Variants in OPRM1 observed in about 807,000 individuals in gnomAD.
OPRM1 encodes the protein mu-type opioid receptor.
Under a neutral mutation model 31.8 loss-of-function variants are expected in OPRM1, and 27 were observed. The ratio of observed to expected loss-of-function variants is 0.85; its 90% CI spans 0.63 to 1.17. The LOEUF is 1.17. Ranked by LOEUF, OPRM1 falls within the 50% of genes most tolerant of loss-of-function variation. The probability of loss-of-function intolerance (pLI) is 0.00; values close to 1 mark genes in which losing one functional copy is unlikely to be tolerated. For synonymous variants in OPRM1, 196 were observed against 189.9 expected (o/e 1.03, Z -0.26); for missense variants, 536 against 511.1 (o/e 1.05, Z -0.47).
At chr6:154,071,795 A>G (rs1312621498) in intron 1 of OPRM1, among the ~76,000 whole-genome samples, 1 of 152,222 alleles carries the variant, frequency 6.6e-6, no homozygotes, top group African/African-American at 2.4e-5. Flanking sequence ...AATAAGAAGC[A>G]GTGGTTACTT....
At chr6:154,094,679 A>AAG (rs568836410) in intron 3 of OPRM1, among the ~76,000 whole-genome samples, 1 of 152,172 alleles carries the variant, frequency 6.6e-6, no homozygotes, top group Non-Finnish European at 1.5e-5. Flanking sequence ...AAGAGAAAGA[A>AAG]AGAGAGAGAG....
chr6:154,124,911 A>T lies in OPRM1; in HGVS notation c.*6190A>T, dbSNP rs1797500499. Among the ~76,000 whole-genome samples the T allele has an allele frequency of 6.6e-6, 1 of 152,204 alleles. No individual in the cohort carries two copies. ...ATCCAAAGAAATTATCTCTAAAAGC[A>T]CTCAGACATTTTGTAGAGCAAGTAG... On this transcript the variant is annotated 3_prime_UTR_variant, in exon 4 of 4. Coordinates refer to ENST00000330432, the MANE Select transcript of OPRM1 (RefSeq NM_000914.5).
intron 3 of OPRM1, among the ~76,000 whole-genome samples, chr6:154,226,358 C>T (rs1779252115): frequency 6.6e-6 from 1 of 152,202 alleles, no homozygotes; most frequent in Non-Finnish European, 1.5e-5. Context: ...GTAACAAATT[C>T]AAAATCAAAC....
At chr6:154,037,557 C>CTTACATCTTATA (rs1353990198), upstream of OPRM1, among the ~76,000 whole-genome samples, 13 of 152,120 alleles carry the variant, frequency 8.5e-5, no homozygotes, top group African/African-American at 3.1e-4. Flanking sequence ...TGAAAGGACT[C>CTTACATCTTATA]AGAACTACAT....
rs180908682 is a variant in OPRM1, at chr6:154,130,124, T to G, written c.*11403T>G. Among the ~76,000 whole-genome samples the G allele has an allele frequency of 2.6e-5, 4 of 152,162 alleles. No homozygotes were observed. In the East Asian group the frequency reaches 7.7e-4, roughly 29 times the overall value. On this transcript the variant is annotated 3_prime_UTR_variant, in exon 4 of 4. Coordinates refer to ENST00000330432, the MANE Select transcript of OPRM1 (RefSeq NM_000914.5). Reference sequence around the variant, plus strand: ...AATCTTAATTTGAAATTTAAATTATTTTGTCTCTACCCAAACCATCGATTT... The same window carrying G: ...AATCTTAATTTGAAATTTAAATTATGTTGTCTCTACCCAAACCATCGATTT...
Position 154,169,478 on chromosome 6 carries a change from G to C in OPRM1, c.1165-77215G>C, listed in dbSNP as rs374569647. Among the ~76,000 whole-genome samples, 6 of 152,314 alleles carry C rather than the reference G, an allele frequency of 3.9e-5. 1 individual carries two copies. Among genetic ancestry groups the C allele is most frequent in the African/African-American group, 1.4e-4 (6 of 41,562 alleles). ...AACCCATGCAAGTCGACAAATATCT[G>C]CTTCTAAAACACAGTGTGGGACAAA... is the stretch of plus-strand genomic sequence containing the variant. On this transcript the variant is annotated intron_variant, in intron 3 of 3. Transcript: ENST00000337049.
intron 1 of OPRM1, among the ~76,000 whole-genome samples, chr6:154,081,781 A>G (rs1054953440): frequency 1.3e-5 from 2 of 152,226 alleles, no homozygotes; most frequent in Admixed American, 6.5e-5. Context: ...GTGGCCCACA[A>G]TACAGGCTAG....
chr6:154,101,096 T>C (rs1238727978), intron 3 of OPRM1, among the ~76,000 whole-genome samples: 1 of 151,846 alleles, frequency 6.6e-6, no homozygotes, highest in Non-Finnish European at 1.5e-5. Context: ...TAAGAATAAC[T>C]TAATCAACAA....
rs572382868 is a variant in OPRM1 at position 154,084,388 on chromosome 6, T to C, written c.291-5438T>C. On this transcript the variant is annotated intron_variant, in intron 1 of 3. Transcript: ENST00000330432. ...TCACTAGTTTTGATTATGCTTTTTC[T>C]TATTTTAGAACCTCCCCCCCCAACA... Among the ~76,000 whole-genome samples, 198 of 152,128 alleles carry C rather than the reference T, an allele frequency of 1.3e-3. 1 individual carries two copies. Among genetic ancestry groups the C allele is most frequent in the African/African-American group, 4.3e-3 (178 of 41,460 alleles).
chr6:154,131,694 A>G lies in OPRM1; in HGVS notation c.*12973A>G, dbSNP rs971600830. Among the ~76,000 whole-genome samples the G allele has an allele frequency of 3.9e-5, 6 of 152,246 alleles. No homozygotes were observed. Among genetic ancestry groups the G allele is most frequent in the Non-Finnish European group, 8.8e-5 (6 of 68,050 alleles). ...TTTGTATCCAAGTAAATGAAAACAC[A>G]ATCACCTTTCAAAACATGGTATGAA... On this transcript the variant is annotated 3_prime_UTR_variant, in exon 4 of 4. Coordinates refer to ENST00000330432, the MANE Select transcript of OPRM1 (RefSeq NM_000914.5).
intron 3 of OPRM1, among the ~76,000 whole-genome samples, chr6:154,177,695 T>A (rs1800461132): frequency 6.6e-6 from 1 of 152,090 alleles, no homozygotes; most frequent in South Asian, 2.1e-4. Flanking sequence ...TTGGTGGGAG[T>A]GTAAATTAGT....
intron 3 of OPRM1, among the ~76,000 whole-genome samples, chr6:154,211,418 GAAA>G (rs78285288): frequency 2.8e-5 from 3 of 107,108 alleles, no homozygotes; most frequent in Admixed American, 9.7e-5. Flanking sequence ...CAAAAACAAA[GAAA>G]AAAAAAAAAA....
At chr6:154,091,894 A>T in intron 3 of OPRM1, 1 of 990,828 alleles carries the variant, frequency 1.0e-6, no homozygotes, top group Non-Finnish European at 1.2e-6. Flanking sequence ...GATTAAAGAG[A>T]GAGGGTGAGT....
At chr6:154,109,141 G>T in intron 3 of OPRM1, 1 of 536,826 alleles carries the variant, frequency 1.9e-6, no homozygotes, top group Non-Finnish European at 2.4e-6. Flanking sequence ...GTTCAGAGAT[G>T]AATAACCAAG....
chr6:154,133,120 CAAA>C (rs61513712), downstream of OPRM1, among the ~76,000 whole-genome samples: 23 of 135,976 alleles, frequency 1.7e-4, no homozygotes, highest in Admixed American at 2.2e-4. Flanking sequence ...GACTCCATCT[CAAA>C]AAAAAAAAAA....
intron 3 of OPRM1, among the ~76,000 whole-genome samples, chr6:154,138,351 T>A (rs494328): frequency 6.6e-6 from 1 of 152,098 alleles, no homozygotes; most frequent in Non-Finnish European, 1.5e-5. Flanking sequence ...TTCAGTTGAA[T>A]CGCCTGATTG....
Position 154,125,789 on chromosome 6 carries a change from A to ATTT in OPRM1, c.*7097_*7099dup, listed in dbSNP as rs543695202. ...TTTGCATTGCCCACTAAGGCTAGAC[A>ATTT]TTTTTTTTTTTTTTTTTTTTTTTTT... is the stretch of plus-strand genomic sequence containing the variant. On this transcript the variant is annotated 3_prime_UTR_variant, in exon 4 of 4. Transcript: ENST00000330432. Among the ~76,000 whole-genome samples the ATTT allele has an allele frequency of 1.9e-4, 4 of 21,406 alleles. No individual in the cohort carries two copies. Among genetic ancestry groups the ATTT allele is most frequent in the African/African-American group, 2.3e-4 (2 of 8,612 alleles). 14.0% of individuals were successfully genotyped at this position (21,406 alleles called of 152,430 possible).
intron 1 of OPRM1, among the ~76,000 whole-genome samples, chr6:154,013,075 A>G (rs1434646855): frequency 6.6e-6 from 1 of 152,188 alleles, no homozygotes; most frequent in Admixed American, 6.5e-5. Flanking sequence ...TTTGTTTCAT[A>G]ATATTTATTG....
chr6:154,028,258 G>T (rs535509474), intron 1 of OPRM1, among the ~76,000 whole-genome samples: 1 of 152,294 alleles, frequency 6.6e-6, no homozygotes, highest in South Asian at 2.1e-4. Context: ...GGCCCAGGGT[G>T]TGTCTAGAGA....
Sources: gnomAD v4.1 joint callset for allele counts (sites outside exome capture counted in the v4.1 genomes callset) on GRCh38, gnomAD v4.1.1 for gene constraint, MANE v1.5 for transcripts, NCBI Gene and HGNC (gene_info 2026-07-23, HGNC 2026-07-21) for gene names.